Variants in CLU observed in about 807,000 individuals in gnomAD.
The protein encoded by CLU is aging-associated protein 4.
Under a neutral mutation model 46.4 loss-of-function variants are expected in CLU, and 25 were observed. The ratio of observed to expected loss-of-function variants is 0.54; its 90% CI spans 0.39 to 0.75. The LOEUF is 0.75. Ranked by LOEUF, CLU falls within the 30% of genes least tolerant of loss-of-function variation. CLU has a pLI of 0.00. For missense variants in CLU, 504 were observed against 592.1 expected (o/e 0.85, Z 1.54); for synonymous variants, 235 against 235.1 (o/e 1.00, Z 0.00).
intron 4 of CLU, 29 bp downstream of exon 4, chr8:27,606,325 C>A: frequency 6.2e-7 from 1 of 1,612,836 alleles, no homozygotes; most frequent in Non-Finnish European, 8.5e-7. Context: ...CCACTCAGAG[C>A]CTTGGCCACT....
chr8:27,608,283 GCC>G (rs1260157395), intron 3 of CLU, among the ~76,000 whole-genome samples: 2 of 152,206 alleles, frequency 1.3e-5, no homozygotes, highest in African/African-American at 4.8e-5. Flanking sequence ...ACTTCTCAGA[GCC>G]TTTGAAATGC....
intron 3 of CLU, chr8:27,608,576 C>A: frequency 2.3e-6 from 1 of 443,698 alleles, no homozygotes; most frequent in Non-Finnish European, 4.2e-6. Flanking sequence ...ACCATATCAC[C>A]CCTATTAGAT....
At chr8:27,609,167 A>G (rs1800877584) in intron 2 of CLU, 81 bp from the exon 3 acceptor site, 17 of 1,501,980 alleles carry the variant, frequency 1.1e-5, no homozygotes, top group Non-Finnish European at 1.6e-5. Context: ...GATGGCCAGA[A>G]AGGCCCGTTC....
chr8:27,613,323 T>C (rs1585258407), intron 1 of CLU, among the ~76,000 whole-genome samples: 1 of 149,036 alleles, frequency 6.7e-6, no homozygotes, highest in Non-Finnish European at 1.5e-5. Context: ...ATGGCGGAGG[T>C]TGCAGTGAGC....
At chr8:27,601,921 T>G (rs999110321) in intron 6 of CLU, among the ~76,000 whole-genome samples, 36 of 152,030 alleles carry the variant, frequency 2.4e-4, no homozygotes, top group Admixed American at 9.2e-4. Context: ...TGAAACCCTG[T>G]CTCTACTAAA....
Position 27,597,934 on chromosome 8 carries a change from T to G in CLU, c.*307A>C. The G allele has an allele frequency of 3.3e-6, 2 of 605,230 alleles. No individual in the cohort carries two copies. The highest frequency in any genetic ancestry group is 3.7e-5 in the East Asian group (1 of 27,134). The allele number at this position is 605,230 out of a possible 1,614,324, so 37.5% of individuals were successfully genotyped here. On this transcript the variant is annotated 3_prime_UTR_variant, in exon 9 of 9. Coordinates refer to ENST00000316403, the MANE Select transcript of CLU (RefSeq NM_001831.4). ...TTCCATCCCCCCTGCCTGCCCCCCA[T>G]AGCAAAATGAAGGCATGCCGGGAAG...
At chr8:27,602,737 G>A in intron 6 of CLU, among the ~76,000 whole-genome samples, 1 of 152,070 alleles carries the variant, frequency 6.6e-6, no homozygotes, top group East Asian at 1.9e-4. Context: ...ATTTAGCTCA[G>A]CTTAGAGAAT....
At chr8:27,609,260 C>T (rs1800879559) in intron 2 of CLU, among the ~76,000 whole-genome samples, 174 bp from the exon 3 acceptor site, 1 of 152,144 alleles carries the variant, frequency 6.6e-6, no homozygotes, top group Non-Finnish European at 1.5e-5. Context: ...GCACAGGCTC[C>T]CATCACAGGC....
In CLU at chr8:27,599,945, G is replaced by A. The variant is rs200287772; in HGVS notation, c.999C>T (p.Val333=). 90 of 1,614,196 alleles carry A rather than the reference G, an allele frequency of 5.6e-5. No individual in the cohort carries two copies. The East Asian group carries it at 1.3e-3, about 24-fold the overall frequency. Residue 333 remains valine (V), a synonymous_variant, in exon 7 of 9, where the codon GTC becomes GTT. Coordinates refer to ENST00000316403, the MANE Select transcript of CLU (RefSeq NM_001831.4). The surrounding 1 kb of genome is among the most constrained non-coding windows in gnomAD (Gnocchi z 4.0). ...LRRELDESLQ[V]AERLTRKYNE... The stretch of plus-strand genomic sequence containing the variant: ...TGTATTTCCTGGTCAACCTCTCAGC[G>A]ACCTGGAGGGATTCGTCGAGCTCCC...
chr8:27,601,348 T>C (rs958713077), intron 6 of CLU, among the ~76,000 whole-genome samples: 4 of 152,170 alleles, frequency 2.6e-5, no homozygotes, highest in Non-Finnish European at 4.4e-5. Context: ...ATGCACCCGG[T>C]CCAAACTTGT....
rs9331927 is a variant in CLU at position 27,603,370 on chromosome 8, G to T, written c.934+921C>A. Among the ~76,000 whole-genome samples the T allele has an allele frequency of 8.2e-3, 1,250 of 152,340 alleles. 20 individuals carry two copies. Among genetic ancestry groups the T allele is most frequent in the African/African-American group, 0.029 (1,194 of 41,576 alleles). ...TGGCTTCTAAAATTATAGGAGTGAGGCTAGGAATGTTTAACTAGACCCTGG... is the reference window on the plus strand; with the variant it reads ...TGGCTTCTAAAATTATAGGAGTGAGTCTAGGAATGTTTAACTAGACCCTGG... On this transcript the variant is annotated intron_variant, in intron 6 of 8. Coordinates refer to ENST00000316403, the MANE Select transcript of CLU (RefSeq NM_001831.4).
At chr8:27,598,717 A>G in intron 7 of CLU, 82 bp from the exon 8 acceptor site, 1 of 1,375,472 alleles carries the variant, frequency 7.3e-7, no homozygotes, top group Non-Finnish European at 1.0e-6. Flanking sequence ...CAGGCTTCTG[A>G]TAAGGAAGTC....
At chr8:27,604,512 G>T in intron 5 of CLU, 117 bp from the exon 6 acceptor site, 2 of 891,380 alleles carry the variant, frequency 2.2e-6, no homozygotes, top group Non-Finnish European at 3.6e-6. Context: ...TCACTCTGTT[G>T]CCCAGGCTGG....
chr8:27,598,522 C>G lies in CLU; in HGVS notation c.1278G>C (p.Lys426Asn), dbSNP rs1364069854. ...CCACGGTCTCCATAAATTTAGGGTTCTTCCTGGAGACTTCTACAGGGACCG... is the reference window on the plus strand; with the variant it reads ...CCACGGTCTCCATAAATTTAGGGTTGTTCCTGGAGACTTCTACAGGGACCG... Reference protein sequence around the residue: ...TVTVPVEVSRKNPKFMETVAE... With the variant: ...TVTVPVEVSRNNPKFMETVAE... The change falls in exon 8 of 9, where the codon AAG becomes AAC. Residue 426 changes from lysine (K) to asparagine (N), a missense_variant. By Grantham distance (94) the Lys-to-Asn change is moderately conservative. Coordinates refer to ENST00000316403, the MANE Select transcript of CLU (RefSeq NM_001831.4). 1 of 1,614,044 alleles carries G rather than the reference C, an allele frequency of 6.2e-7. No individual in the cohort carries two copies. Among genetic ancestry groups the G allele is most frequent in the Non-Finnish European group, 8.5e-7 (1 of 1,180,048 alleles).
At chr8:27,605,446 A>G in intron 4 of CLU, 111 bp from the exon 5 acceptor site, 1 of 1,143,852 alleles carries the variant, frequency 8.7e-7, no homozygotes, top group East Asian at 2.5e-5. Context: ...TGTAACAGTC[A>G]CACAGCAAGT....
rs772478867 is a variant in CLU at position 27,598,500 on chromosome 8, C to G, written c.1300G>C (p.Val434Leu). 1 of 1,614,106 alleles carries G rather than the reference C, an allele frequency of 6.2e-7. No individual in the cohort carries two copies. The highest frequency in any genetic ancestry group is 1.1e-5 in the South Asian group (1 of 91,084). The change falls in exon 8 of 9, where the codon GTG becomes CTG. Residue 434 changes from valine to leucine, a missense_variant. By Grantham distance (32) the Val-to-Leu change is conservative (BLOSUM62 1). Around this residue, in one of 3 missense-constraint regions of CLU, gnomAD observed 428 missense variants for 484.0 expected, o/e 0.88. Transcript: ENST00000316403. ...SRKNPKFMET[V>L]AEKALQEYRK... ...TATTCCTGCAGCGCTTTCTCCGCCA[C>G]GGTCTCCATAAATTTAGGGTTCTTC...
chr8:27,604,543 G>T (rs543584549), intron 5 of CLU, 148 bp from the exon 6 acceptor site: 12 of 753,472 alleles, frequency 1.6e-5, no homozygotes, highest in Non-Finnish European at 2.5e-5. Context: ...TGCAATCATA[G>T]CTCACTGCAG....
chr8:27,600,020 A>G lies in CLU; in HGVS notation c.935-11T>C. 6.2e-7 allele frequency: 1 copy of G among 1,609,750 alleles called. No individual in the cohort carries two copies. The highest frequency in any genetic ancestry group is 8.5e-7 in the Non-Finnish European group (1 of 1,176,186). On this transcript the variant is annotated splice_polypyrimidine_tract_variant and intron_variant, in intron 6 of 8. Transcript: ENST00000316403. ...TGTTGGTGGAACAGTCTGCCCAGAGATGGAAGAAACGCAAGTGAGAAGTGT... is the reference window on the plus strand; with the variant it reads ...TGTTGGTGGAACAGTCTGCCCAGAGGTGGAAGAAACGCAAGTGAGAAGTGT...
intron 1 of CLU, chr8:27,614,451 G>T (rs1800978819): frequency 3.1e-6 from 1 of 320,366 alleles, no homozygotes; most frequent in Non-Finnish European, 6.0e-6. Flanking sequence ...GCTCTCAGGC[G>T]GCGGTTGCGC....
Sources: allele counts gnomAD v4.1 joint callset (sites outside exome capture counted in the v4.1 genomes callset), GRCh38; gene constraint gnomAD v4.1.1; regional missense constraint gnomAD v4.1.1; non-coding constraint Gnocchi (gnomAD v3.1); transcripts MANE v1.5; gene names NCBI Gene and HGNC (gene_info 2026-07-23, HGNC 2026-07-21).